The following CAV1 variants were observed in gnomAD, a reference collection of about 807,000 sequenced individuals.
CAV1 encodes caveolin-1.
CAV1 carries 10 observed loss-of-function variants against 16.5 expected under a neutral mutation model. The ratio of observed to expected loss-of-function variants is 0.61; its 90% CI spans 0.37 to 1.03. CAV1 has a LOEUF of 1.03. Ranked by LOEUF, CAV1 falls within the 50% of genes least tolerant of loss-of-function variation. CAV1 has a pLI of 0.01. For missense variants in CAV1, 212 were observed against 232.8 expected (o/e 0.91, Z 0.58); for synonymous variants, 76 against 85.1 (o/e 0.89, Z 0.59).
chr7:116,528,123 G>A (rs776628802), intron 2 of CAV1, among the ~76,000 whole-genome samples: 11 of 140,518 alleles, frequency 7.8e-5, no homozygotes, highest in Non-Finnish European at 1.7e-4. Context: ...AAGGAGAGTT[G>A]CCAGGAAAAG....
At chr7:116,543,743 A>AT (rs1324569373) in intron 2 of CAV1, among the ~76,000 whole-genome samples, 1 of 152,212 alleles carries the variant, frequency 6.6e-6, no homozygotes, top group Non-Finnish European at 1.5e-5. Context: ...GTCTAGCTAA[A>AT]TAAAAAGTGC....
chr7:116,553,165 C>A (rs1429994980), intron 2 of CAV1, among the ~76,000 whole-genome samples: 1 of 152,068 alleles, frequency 6.6e-6, no homozygotes, highest in Non-Finnish European at 1.5e-5. Flanking sequence ...ATTTTGAAAC[C>A]CAGAAAAGAT....
intron 2 of CAV1, among the ~76,000 whole-genome samples, chr7:116,534,389 ATATATATTT>A (rs1793759767): frequency 2.2e-4 from 2 of 8,984 alleles, no homozygotes; most frequent in African/African-American, 6.0e-4. Context: ...ATATATATAT[ATATATATTT>A]TTTTTTTTTT....
chr7:116,530,751 T>C (rs1584769263), intron 2 of CAV1, among the ~76,000 whole-genome samples: 1 of 151,230 alleles, frequency 6.6e-6, no homozygotes, highest in African/African-American at 2.4e-5. Flanking sequence ...GTGATAAAGG[T>C]GAAAAGACTG....
chr7:116,547,920 C>T (rs560105884), intron 2 of CAV1, among the ~76,000 whole-genome samples: 271 of 152,254 alleles, frequency 1.8e-3, no homozygotes, highest in Non-Finnish European at 2.5e-3. Flanking sequence ...ATGAGATAAC[C>T]CTGATGAGCA....
In CAV1 at chr7:116,534,390, TATATA is replaced by T. The variant is rs1161472355; in HGVS notation, c.195+7702_195+7706del. On this transcript the variant is annotated intron_variant, in intron 2 of 2. Transcript: ENST00000341049. ...ATATATATATATATATATATATATA[TATATA>T]TTTTTTTTTTTTTTTTTTTTTTGAG... 7.2e-3 allele frequency among the ~76,000 whole-genome samples: 108 copies of T among 14,948 alleles called. 1 individual carries two copies. Among genetic ancestry groups the T allele is most frequent in the African/African-American group, 0.028 (105 of 3,752 alleles). The allele number at this position is 14,948 out of a possible 152,430, so 9.8% of individuals were successfully genotyped here.
At chr7:116,526,436 T>A in intron 1 of CAV1, 89 bp from the exon 2 acceptor site, 1 of 1,599,632 alleles carries the variant, frequency 6.3e-7, no homozygotes, top group Non-Finnish European at 8.5e-7. Flanking sequence ...CAGGCTGACT[T>A]CTCATCGCTT....
intron 2 of CAV1, among the ~76,000 whole-genome samples, chr7:116,534,019 C>T (rs1264336686): frequency 1.3e-5 from 2 of 151,920 alleles, no homozygotes; most frequent in Non-Finnish European, 1.5e-5. Flanking sequence ...GAGTTTGAGA[C>T]CAGCCTGGCC....
chr7:116,533,595 G>A (rs374701922), intron 2 of CAV1, among the ~76,000 whole-genome samples: 1 of 151,984 alleles, frequency 6.6e-6, no homozygotes, highest in East Asian at 1.9e-4. Context: ...GGGACCACAG[G>A]GATGTGCCAC....
At chr7:116,542,034 G>A (rs551539631) in intron 2 of CAV1, among the ~76,000 whole-genome samples, 1 of 152,294 alleles carries the variant, frequency 6.6e-6, no homozygotes, top group South Asian at 2.1e-4. Context: ...GGGCAAAGAG[G>A]AATTGATGTG....
At chr7:116,526,791 G>A in intron 2 of CAV1, 102 bp downstream of exon 2, 4 of 1,306,640 alleles carry the variant, frequency 3.1e-6, no homozygotes, top group Non-Finnish European at 3.2e-6. Context: ...ACCCCACCCC[G>A]CCCCCTACAC....
At chr7:116,551,786 G>T (rs1298697933) in intron 2 of CAV1, 1 of 152,118 alleles carries the variant, frequency 6.6e-6, no homozygotes, top group Non-Finnish European at 1.5e-5. Flanking sequence ...CTCAGGCTGG[G>T]ATCCTTTCAA....
chr7:116,525,313 C>T (rs1793534125), intron 1 of CAV1: 1 of 1,549,848 alleles, frequency 6.5e-7, no homozygotes, highest in South Asian at 1.2e-5. Flanking sequence ...CCTAGGGAGC[C>T]CCTGAGCTAG....
At chr7:116,558,823 A>C (rs1794343286) in intron 2 of CAV1, 123 bp from the exon 3 acceptor site, 4 of 730,594 alleles carry the variant, frequency 5.5e-6, no homozygotes, top group African/African-American at 3.5e-5. Context: ...GTTGCCTTTA[A>C]GCATCTCACA....
In CAV1 at chr7:116,537,644, G is replaced by A. The variant is rs1793851786; in HGVS notation, c.195+10955G>A. 1.3e-5 allele frequency among the ~76,000 whole-genome samples: 2 copies of A among 152,168 alleles called. 1 individual carries two copies. Among genetic ancestry groups the A allele is most frequent in the South Asian group, 4.2e-4 (2 of 4,810 alleles). The stretch of plus-strand genomic sequence containing the variant: ...ATAAGTCATGATCCCAGAAGCCATT[G>A]GTGTGGCCACAATATGGAAAGAGAT... On this transcript the variant is annotated intron_variant, in intron 2 of 2. Coordinates refer to ENST00000341049, the MANE Select transcript of CAV1 (RefSeq NM_001753.5).
At chr7:116,550,508 GC>G (rs1225297779) in intron 2 of CAV1, among the ~76,000 whole-genome samples, 1 of 152,116 alleles carries the variant, frequency 6.6e-6, no homozygotes, top group East Asian at 1.9e-4. Flanking sequence ...TGTCAGTTTG[GC>G]CCAGTAAAGA....
At chr7:116,545,285 C>T (rs2116035900) in intron 2 of CAV1, among the ~76,000 whole-genome samples, 1 of 152,242 alleles carries the variant, frequency 6.6e-6, no homozygotes, top group East Asian at 1.9e-4. Flanking sequence ...GACAGTACCC[C>T]CACCCACACT....
intron 2 of CAV1, among the ~76,000 whole-genome samples, chr7:116,541,658 G>T (rs1197095285): frequency 1.3e-5 from 2 of 151,892 alleles, no homozygotes. Flanking sequence ...GGGCCAAGAG[G>T]TGGGAAGATT....
chr7:116,544,768 C>A (rs374632286), intron 2 of CAV1, among the ~76,000 whole-genome samples: 2 of 152,084 alleles, frequency 1.3e-5, no homozygotes, highest in South Asian at 4.1e-4. Flanking sequence ...GAGGCAAGTA[C>A]GAAAATGACT....
Sources: gnomAD v4.1 joint callset for allele counts (sites outside exome capture counted in the v4.1 genomes callset) on GRCh38, gnomAD v4.1.1 for gene constraint, MANE v1.5 for transcripts, NCBI Gene and HGNC (gene_info 2026-07-23, HGNC 2026-07-21) for gene names.